The following TLL1 variants were observed in gnomAD, a reference collection of about 807,000 sequenced individuals.
The protein encoded by TLL1 is tolloid-like protein 1.
Under a neutral mutation model 128.2 loss-of-function variants are expected in TLL1, and 49 were observed. The ratio of observed to expected loss-of-function variants is 0.38; its 90% CI spans 0.30 to 0.48. The LOEUF is 0.48. Among genes scored for constraint, TLL1 ranks in the 20% least tolerant of loss-of-function variants. The pLI is 0.96. For missense variants in TLL1, 1,123 were observed against 1,242.0 expected, an observed-to-expected ratio of 0.90 and a Z score of 1.44; for synonymous variants, 454 against 418.8, an observed-to-expected ratio of 1.08 and a Z score of -1.03.
At chr4:165,886,557 G>A (rs1410029161) in intron 1 of TLL1, among the ~76,000 whole-genome samples, 4 of 152,082 alleles carry the variant, frequency 2.6e-5, no homozygotes, top group Non-Finnish European at 5.9e-5. Flanking sequence ...GTATTCATGG[G>A]GGATTAGTTC....
chr4:165,949,259 C>A (rs1454456204), intron 1 of TLL1, among the ~76,000 whole-genome samples: 1 of 152,004 alleles, frequency 6.6e-6, no homozygotes, highest in Non-Finnish European at 1.5e-5. Flanking sequence ...CAGGCACCTC[C>A]ACTCTGTTGA....
Position 165,904,843 on chromosome 4 carries a change from T to C in TLL1, c.169+30770T>C, listed in dbSNP as rs146803380. The stretch of plus-strand genomic sequence containing the variant: ...GCAACTTAATAAAAAATAAGCAATG[T>C]ATTTAAATGGTTTACCAAATATACT... On this transcript the variant is annotated intron_variant, in intron 1 of 20. Transcript: ENST00000061240. Among the ~76,000 whole-genome samples the C allele has an allele frequency of 4.4e-3, 674 of 152,342 alleles. 2 individuals carry two copies. Among genetic ancestry groups the C allele is most frequent in the Non-Finnish European group, 7.3e-3 (495 of 68,030 alleles).
At chr4:166,053,501 A>G (rs1402064737) in intron 12 of TLL1, among the ~76,000 whole-genome samples, 2 of 152,152 alleles carry the variant, frequency 1.3e-5, no homozygotes, top group Non-Finnish European at 1.5e-5. Flanking sequence ...AGTGGAGAGT[A>G]GGCACTGAGT....
intron 1 of TLL1, among the ~76,000 whole-genome samples, chr4:165,977,420 G>A (rs77605294): frequency 0.014 from 2,181 of 152,176 alleles, 71 homozygotes; most frequent in East Asian, 0.14. Flanking sequence ...GTTTCCTGAG[G>A]CCTCTCCAAT....
intron 12 of TLL1, among the ~76,000 whole-genome samples, chr4:166,044,605 A>G (rs910373618): frequency 6.6e-6 from 1 of 151,874 alleles, no homozygotes; most frequent in Non-Finnish European, 1.5e-5. Context: ...TGGTTTTGCC[A>G]TTATTTGATT....
intron 1 of TLL1, among the ~76,000 whole-genome samples, chr4:165,876,677 G>A (rs1730736765): frequency 1.3e-5 from 2 of 152,218 alleles, no homozygotes; most frequent in Admixed American, 1.3e-4. Context: ...GAGGCCCAGT[G>A]AGGTTACATG....
intron 1 of TLL1, among the ~76,000 whole-genome samples, chr4:165,905,104 A>G (rs925536987): frequency 6.6e-6 from 1 of 152,198 alleles, no homozygotes; most frequent in African/African-American, 2.4e-5. Flanking sequence ...TGCTCATACA[A>G]TACTGTGGGA....
At chr4:165,956,668 A>G (rs963850343) in intron 1 of TLL1, among the ~76,000 whole-genome samples, 2 of 152,076 alleles carry the variant, frequency 1.3e-5, no homozygotes. Flanking sequence ...TTTACAATCA[A>G]TTTGTACAGT....
intron 5 of TLL1, among the ~76,000 whole-genome samples, chr4:165,999,886 C>G (rs1336316247): frequency 6.6e-6 from 1 of 152,156 alleles, no homozygotes; most frequent in East Asian, 1.9e-4. Context: ...CATAAAAAGG[C>G]AGAACCAGTT....
intron 1 of TLL1, among the ~76,000 whole-genome samples, chr4:165,891,765 C>G (rs955501592): frequency 1.3e-5 from 2 of 152,206 alleles, no homozygotes; most frequent in Non-Finnish European, 2.9e-5. Flanking sequence ...GTCTTCTGAG[C>G]CCTCCAAGTC....
chr4:166,099,378 C>G lies in TLL1; in HGVS notation c.2758C>G (p.Leu920Val). Residue 920 changes from leucine (L) to valine (V), a missense_variant, in exon 20 of 21, where the codon CTA becomes GTA. Around this residue, in one of 3 missense-constraint regions of TLL1, gnomAD observed 634 missense variants for 672.4 expected, o/e 0.94. Coordinates refer to ENST00000061240, the MANE Select transcript of TLL1 (RefSeq NM_012464.5). ...CCCAGGACAGGTTGACTGTGAATGG[C>G]TATTAGTATCAGAACGGGGCTCTCG... ...NYPGQVDCEW[L>V]LVSERGSRLE... is the part of the protein sequence containing the mutation. 1 of 1,613,556 alleles carries G rather than the reference C, an allele frequency of 6.2e-7. No homozygotes were observed. Among genetic ancestry groups the G allele is most frequent in the Non-Finnish European group, 8.5e-7 (1 of 1,179,660 alleles).
intron 8 of TLL1, among the ~76,000 whole-genome samples, chr4:166,015,207 C>T (rs1265463687): frequency 6.6e-6 from 1 of 152,012 alleles, no homozygotes; most frequent in Non-Finnish European, 1.5e-5. Flanking sequence ...CTCCAGTATA[C>T]TCACAATATT....
intron 16 of TLL1, among the ~76,000 whole-genome samples, chr4:166,070,843 C>T (rs190517532): frequency 3.9e-5 from 6 of 151,972 alleles, no homozygotes; most frequent in East Asian, 1.9e-4. Context: ...AAATGAAATT[C>T]GACATGATAT....
At chr4:166,064,065 G>C (rs774237044) in intron 15 of TLL1, among the ~76,000 whole-genome samples, 5 of 151,758 alleles carry the variant, frequency 3.3e-5, no homozygotes, top group African/African-American at 4.8e-5. Flanking sequence ...AACTCAATGG[G>C]CCATTTGAGC....
intron 8 of TLL1, among the ~76,000 whole-genome samples, chr4:166,019,724 A>T (rs1260257388): frequency 1.3e-5 from 2 of 152,108 alleles, no homozygotes; most frequent in African/African-American, 2.4e-5. Context: ...TGATATATAA[A>T]TTTTTTAATG....
intron 1 of TLL1, among the ~76,000 whole-genome samples, chr4:165,917,567 A>C (rs1260701356): frequency 6.6e-6 from 1 of 152,114 alleles, no homozygotes; most frequent in Non-Finnish European, 1.5e-5. Flanking sequence ...TACTTATAAC[A>C]TCTATTTATA....
At chr4:165,939,906 C>T (rs1433718026) in intron 1 of TLL1, among the ~76,000 whole-genome samples, 1 of 152,024 alleles carries the variant, frequency 6.6e-6, no homozygotes, top group Non-Finnish European at 1.5e-5. Context: ...CCTTTTGTAG[C>T]ATTCGACACA....
intron 1 of TLL1, among the ~76,000 whole-genome samples, chr4:165,881,881 CA>C (rs1730982825): frequency 6.6e-6 from 1 of 152,108 alleles, no homozygotes; most frequent in Non-Finnish European, 1.5e-5. Flanking sequence ...CTGCTGCTGG[CA>C]CAGGCTCTGA....
chr4:166,091,402 A>C, intron 19 of TLL1, 61 bp downstream of exon 19: 1 of 1,424,390 alleles, frequency 7.0e-7, no homozygotes, highest in Non-Finnish European at 9.8e-7. Flanking sequence ...TCTTCTGGTG[A>C]ATTTGGTTCA....
Sources: gnomAD v4.1 joint callset for allele counts (sites outside exome capture counted in the v4.1 genomes callset) on GRCh38, gnomAD v4.1.1 for gene constraint, gnomAD v4.1.1 regional missense constraint, MANE v1.5 for transcripts, NCBI Gene and HGNC (gene_info 2026-07-23, HGNC 2026-07-21) for gene names.